Variants in CLIP1 observed in about 807,000 individuals in gnomAD.
The protein encoded by CLIP1 is CAP-Gly domain-containing linker protein 1.
A neutral mutation model predicts 161.6 loss-of-function variants in CLIP1; 66 were observed. The observed-to-expected ratio is 0.41, with a 90% CI of 0.33 to 0.50. The LOEUF is 0.50. Among genes scored for constraint, CLIP1 ranks in the 20% least tolerant of loss-of-function variants. CLIP1 has a pLI of 0.27. For missense variants in CLIP1, 1,376 were observed against 1,702.0 expected (o/e 0.81, Z 3.37); for synonymous variants, 598 against 626.2 (o/e 0.96, Z 0.67).
rs1014988488 is a variant in CLIP1 at position 122,390,924 on chromosome 12, C to T, written c.-106-10366G>A. Among the ~76,000 whole-genome samples the T allele has an allele frequency of 7.2e-5, 11 of 152,228 alleles. 1 individual carries two copies. In the South Asian group the frequency reaches 1.7e-3, roughly 23 times the overall value. The stretch of plus-strand genomic sequence containing the variant: ...GAGATCTACTTCAAAGCCCCAACTA[C>T]GCACCAGGGAGTAGGGCTCCATGAA... On this transcript the variant is annotated intron_variant, in intron 1 of 25. Coordinates refer to ENST00000620786, the MANE Select transcript of CLIP1 (RefSeq NM_001247997.2).
intron 1 of CLIP1, among the ~76,000 whole-genome samples, chr12:122,413,664 G>GT (rs1434766869): frequency 2.6e-5 from 4 of 152,186 alleles, no homozygotes; most frequent in Non-Finnish European, 5.9e-5. Context: ...AGGTGGATGA[G>GT]AATAAACTTC....
At chr12:122,397,624 C>T (rs1298926353) in intron 1 of CLIP1, among the ~76,000 whole-genome samples, 1 of 147,850 alleles carries the variant, frequency 6.8e-6, no homozygotes, top group Non-Finnish European at 1.5e-5. Flanking sequence ...CCCCATTTTC[C>T]CATCAGTAAA....
At chr12:122,399,705 C>T (rs926214919) in intron 1 of CLIP1, 2 of 152,148 alleles carry the variant, frequency 1.3e-5, no homozygotes, top group Admixed American at 6.6e-5. Flanking sequence ...CTACAACGTC[C>T]AGAAACCCAG....
intron 9 of CLIP1, 86 bp downstream of exon 9, chr12:122,351,025 G>T: frequency 1.0e-6 from 1 of 985,230 alleles, no homozygotes; most frequent in Non-Finnish European, 1.5e-6. Context: ...TATGCAGTTA[G>T]TGTTTGAGTA....
At position 122,341,623 on chromosome 12, in the gene CLIP1, A is replaced by T; in HGVS notation, c.1581T>A (p.Ala527=). Residue 527 remains alanine, a synonymous_variant, in exon 11 of 26, where the codon GCT becomes GCA. Transcript: ENST00000620786. Reference sequence around the variant, plus strand: ...TGGACTCTAGCCTTCTTCGGAGCTCAGCTACTTCCTGTACTCTCAATGCTA... The same window carrying T: ...TGGACTCTAGCCTTCTTCGGAGCTCTGCTACTTCCTGTACTCTCAATGCTA... The part of the protein sequence containing the change: ...KDLALRVQEV[A]ELRRRLESNK... 6.2e-7 allele frequency: 1 copy of T among 1,613,278 alleles called. No individual in the cohort carries two copies. The highest frequency in any genetic ancestry group is 1.3e-5 in the African/African-American group (1 of 75,032).
intron 20 of CLIP1, among the ~76,000 whole-genome samples, chr12:122,292,002 A>G (rs1021537727): frequency 6.6e-6 from 1 of 151,852 alleles, no homozygotes; most frequent in African/African-American, 2.4e-5. Flanking sequence ...TCATTCATTC[A>G]TTCATTCAAG....
At chr12:122,404,534 A>G (rs570456666) in intron 1 of CLIP1, among the ~76,000 whole-genome samples, 11 of 152,024 alleles carry the variant, frequency 7.2e-5, no homozygotes, top group African/African-American at 9.7e-5. Context: ...GGGGAGGTGG[A>G]GGTTGCAGTG....
chr12:122,380,458 T>C lies in CLIP1; in HGVS notation c.-6A>G. The C allele has an allele frequency of 6.2e-7, 1 of 1,600,128 alleles. No individual in the cohort carries two copies. The highest frequency in any genetic ancestry group is 8.6e-7 in the Non-Finnish European group (1 of 1,169,006). The stretch of plus-strand genomic sequence containing the variant: ...CTTGGCTTTAGCATACTCATTTTCT[T>C]TGTATGTCAGAGCTGTTTCTCCTTT... On this transcript the variant is annotated 5_prime_UTR_variant, in exon 2 of 26. Coordinates refer to ENST00000620786, the MANE Select transcript of CLIP1 (RefSeq NM_001247997.2).
intron 20 of CLIP1, among the ~76,000 whole-genome samples, chr12:122,304,289 G>A (rs1028393683): frequency 5.9e-5 from 9 of 152,166 alleles, no homozygotes; most frequent in African/African-American, 1.7e-4. Flanking sequence ...GCTGTTCACC[G>A]TCCTTTCCAC....
chr12:122,332,945 G>A (rs773483505), intron 15 of CLIP1, 42 bp downstream of exon 15: 23 of 1,563,956 alleles, frequency 1.5e-5, no homozygotes, highest in Non-Finnish European at 2.0e-5. Context: ...TTGCCGCAGA[G>A]CCTAACCTAA....
intron 9 of CLIP1, among the ~76,000 whole-genome samples, chr12:122,349,088 T>C (rs1285746251): frequency 5.3e-5 from 8 of 152,226 alleles, no homozygotes. Flanking sequence ...ATAATCCCCT[T>C]GGTCTGTATG....
At chr12:122,288,453 AAC>A (rs776666714) in intron 21 of CLIP1, 34 bp downstream of exon 21, 63 of 1,550,790 alleles carry the variant, frequency 4.1e-5, no homozygotes, top group East Asian at 6.8e-5. Context: ...CATCTTATTA[AAC>A]ACACACACAT....
At chr12:122,364,614 A>G (rs1033928286) in intron 3 of CLIP1, among the ~76,000 whole-genome samples, 1 of 151,960 alleles carries the variant, frequency 6.6e-6, no homozygotes, top group Non-Finnish European at 1.5e-5. Flanking sequence ...CATGTTGCCC[A>G]GGCTGGTCTT....
intron 25 of CLIP1, 62 bp downstream of exon 25, chr12:122,273,976 G>A (rs536849252): frequency 5.1e-5 from 77 of 1,502,032 alleles, no homozygotes; most frequent in South Asian, 1.4e-4. Flanking sequence ...CAAGTGGTCC[G>A]CCCGCCTCGG....
intron 1 of CLIP1, among the ~76,000 whole-genome samples, chr12:122,387,168 A>T (rs1207641147): frequency 6.6e-6 from 1 of 152,176 alleles, no homozygotes; most frequent in African/African-American, 2.4e-5. Flanking sequence ...CTGGGATTAC[A>T]GGCGTGCACC....
chr12:122,341,768 T>C (rs919671680), intron 10 of CLIP1, 71 bp from the exon 11 acceptor site: 57 of 234,490 alleles, frequency 2.4e-4, no homozygotes, highest in East Asian at 3.3e-4. Flanking sequence ...TTTTCTTTTT[T>C]TTTTTTTTTT....
intron 19 of CLIP1, among the ~76,000 whole-genome samples, chr12:122,315,088 A>C (rs1226104733): frequency 6.6e-6 from 1 of 152,210 alleles, no homozygotes; most frequent in African/African-American, 2.4e-5. Context: ...GATCACTCCC[A>C]GGAAAATTTT....
intron 17 of CLIP1, among the ~76,000 whole-genome samples, chr12:122,326,230 C>G (rs1951706450): frequency 6.6e-6 from 1 of 152,226 alleles, no homozygotes; most frequent in Non-Finnish European, 1.5e-5. Context: ...TTGCACAAAA[C>G]CAACCAACAA....
At chr12:122,388,635 G>A (rs1593223177) in intron 1 of CLIP1, among the ~76,000 whole-genome samples, 1 of 152,000 alleles carries the variant, frequency 6.6e-6, no homozygotes, top group Non-Finnish European at 1.5e-5. Context: ...GTGACACAAT[G>A]GTAGCTCACC....
Sources: allele counts gnomAD v4.1 joint callset (sites outside exome capture counted in the v4.1 genomes callset), GRCh38; gene constraint gnomAD v4.1.1; transcripts MANE v1.5; gene names NCBI Gene and HGNC (gene_info 2026-07-23, HGNC 2026-07-21).